The following RPH3A variants were observed in gnomAD, a reference collection of about 807,000 sequenced individuals.
RPH3A encodes the protein rabphilin 3A, also known as rabphilin-3A.
In RPH3A, 48 loss-of-function variants were observed where a neutral mutation model predicts 102.2. The ratio of observed to expected loss-of-function variants is 0.47; its 90% CI spans 0.37 to 0.60. The LOEUF (loss-of-function observed/expected upper bound fraction) is 0.60, where lower values mean the gene tolerates loss of function less well. Ranked by LOEUF, RPH3A falls within the 20% of genes least tolerant of loss-of-function variation. The probability of loss-of-function intolerance (pLI) is 0.00; values close to 1 mark genes in which losing one functional copy is unlikely to be tolerated. For missense variants in RPH3A, 781 were observed against 910.1 expected (o/e 0.86, Z 1.83); for synonymous variants, 310 against 324.3 (o/e 0.96, Z 0.47).
At chr12:112,796,196 C>T (rs978682638) in intron 2 of RPH3A, among the ~76,000 whole-genome samples, 7 of 152,146 alleles carry the variant, frequency 4.6e-5, no homozygotes, top group Non-Finnish European at 8.8e-5. Flanking sequence ...GAGAAGAATT[C>T]TAGGAGGAGA....
At chr12:112,853,561 G>C (rs2042359006) in intron 5 of RPH3A, among the ~76,000 whole-genome samples, 1 of 152,202 alleles carries the variant, frequency 6.6e-6, no homozygotes, top group African/African-American at 2.4e-5. Flanking sequence ...GGGCATAGTG[G>C]CTCATGCCTG....
chr12:112,607,749 C>T (rs1353877939), intron 1 of RPH3A, among the ~76,000 whole-genome samples: 6 of 152,134 alleles, frequency 3.9e-5, no homozygotes, highest in African/African-American at 1.2e-4. Flanking sequence ...CATCAATGAA[C>T]CAGATTTGTC....
intron 1 of RPH3A, among the ~76,000 whole-genome samples, chr12:112,696,080 T>C (rs1031444289): frequency 6.6e-6 from 1 of 152,220 alleles, no homozygotes; most frequent in Non-Finnish European, 1.5e-5. Flanking sequence ...AGCAAGAGCA[T>C]ACTATATTTG....
intron 1 of RPH3A, among the ~76,000 whole-genome samples, chr12:112,780,815 T>C (rs1415731053): frequency 8.5e-5 from 13 of 152,302 alleles, no homozygotes; most frequent in African/African-American, 3.1e-4. Flanking sequence ...TGTGTTTTGA[T>C]ACCCTGAAAG....
chr12:112,667,420 T>C (rs1273197677), intron 1 of RPH3A, among the ~76,000 whole-genome samples: 1 of 152,132 alleles, frequency 6.6e-6, no homozygotes, highest in Admixed American at 6.6e-5. Context: ...TCTTGGCAAA[T>C]GGTATGACTC....
chr12:112,773,054 T>C (rs1258996019), intron 1 of RPH3A, among the ~76,000 whole-genome samples: 1 of 152,122 alleles, frequency 6.6e-6, no homozygotes, highest in African/African-American at 2.4e-5. Flanking sequence ...TCACTGCAAA[T>C]GCTGTTAATT....
At chr12:112,741,279 T>C (rs1417778562) in intron 1 of RPH3A, among the ~76,000 whole-genome samples, 5 of 152,206 alleles carry the variant, frequency 3.3e-5, no homozygotes, top group Non-Finnish European at 5.9e-5. Flanking sequence ...GCCTTTCCTG[T>C]TGGGCTCCCC....
At chr12:112,640,749 G>C (rs1190746107) in intron 1 of RPH3A, among the ~76,000 whole-genome samples, 1 of 152,110 alleles carries the variant, frequency 6.6e-6, no homozygotes, top group Non-Finnish European at 1.5e-5. Context: ...ATTCTCTAGG[G>C]GGCATGGAGT....
At chr12:112,841,015 C>T (rs764228422) in intron 4 of RPH3A, among the ~76,000 whole-genome samples, 4 of 151,512 alleles carry the variant, frequency 2.6e-5, no homozygotes, top group African/African-American at 7.3e-5. Context: ...TTTACATTCC[C>T]CTAATTAGAC....
intron 1 of RPH3A, among the ~76,000 whole-genome samples, chr12:112,663,536 T>A (rs976087334): frequency 6.6e-6 from 1 of 152,092 alleles, no homozygotes; most frequent in Non-Finnish European, 1.5e-5. Flanking sequence ...TTATTATTTT[T>A]TATAGAGACA....
chr12:112,715,945 A>G (rs2040510742), intron 1 of RPH3A, among the ~76,000 whole-genome samples: 1 of 152,234 alleles, frequency 6.6e-6, no homozygotes, highest in Non-Finnish European at 1.5e-5. Context: ...GGGGTGGGCA[A>G]TTCTCAGAAC....
At chr12:112,761,548 G>C (rs1001525476) in intron 1 of RPH3A, among the ~76,000 whole-genome samples, 1 of 152,242 alleles carries the variant, frequency 6.6e-6, no homozygotes, top group Non-Finnish European at 1.5e-5. Context: ...ATGCCGTCCA[G>C]GAAAGACTGG....
chr12:112,745,819 A>G (rs929511390), intron 1 of RPH3A, among the ~76,000 whole-genome samples: 1 of 152,090 alleles, frequency 6.6e-6, no homozygotes, highest in Non-Finnish European at 1.5e-5. Context: ...ATCCTCCAGC[A>G]GTGGGGTGCA....
At chr12:112,725,635 G>A (rs1217846903) in intron 1 of RPH3A, among the ~76,000 whole-genome samples, 1 of 152,226 alleles carries the variant, frequency 6.6e-6, no homozygotes, top group Admixed American at 6.5e-5. Context: ...TGACCAATCA[G>A]AGGTTGGTGT....
rs2042253817 is a variant in RPH3A at position 112,847,688 on chromosome 12, C to T, written c.84-8C>T. 20 of 1,612,894 alleles carry T rather than the reference C, an allele frequency of 1.2e-5. No individual in the cohort carries two copies. Among genetic ancestry groups the T allele is most frequent in the Non-Finnish European group, 1.6e-5 (19 of 1,179,536 alleles). Reference sequence around the variant, plus strand: ...CCCACCCTCACACCTTCCCAAATTTCCTTTCAGGCTCCAGGCAGGCTGGTC... The same window carrying T: ...CCCACCCTCACACCTTCCCAAATTTTCTTTCAGGCTCCAGGCAGGCTGGTC... On this transcript the variant is annotated splice_polypyrimidine_tract_variant and splice_region_variant and intron_variant, in intron 4 of 21. Transcript: ENST00000389385.
chr12:112,595,961 C>T (rs1335262273), intron 1 of RPH3A, among the ~76,000 whole-genome samples: 1 of 152,108 alleles, frequency 6.6e-6, no homozygotes, highest in East Asian at 1.9e-4. Flanking sequence ...GGAGAGACTA[C>T]ATAGACATGT....
At chr12:112,748,102 C>A (rs552795348) in intron 1 of RPH3A, among the ~76,000 whole-genome samples, 1 of 152,138 alleles carries the variant, frequency 6.6e-6, no homozygotes, top group African/African-American at 2.4e-5. Context: ...AAAAGACTTG[C>A]GGGGCAGCTG....
At chr12:112,619,420 G>A (rs552960719) in intron 1 of RPH3A, among the ~76,000 whole-genome samples, 1 of 152,028 alleles carries the variant, frequency 6.6e-6, no homozygotes, top group South Asian at 2.1e-4. Flanking sequence ...TGAGTAGCTG[G>A]GATTACAGGC....
intron 4 of RPH3A, among the ~76,000 whole-genome samples, chr12:112,846,627 C>T (rs1265315229): frequency 3.3e-5 from 5 of 152,202 alleles, no homozygotes; most frequent in South Asian, 4.1e-4. Context: ...CCAAGCCTGG[C>T]GGCTAATGGG....
Sources: gnomAD v4.1 joint callset for allele counts (sites outside exome capture counted in the v4.1 genomes callset) on GRCh38, gnomAD v4.1.1 for gene constraint, MANE v1.5 for transcripts, NCBI Gene and HGNC (gene_info 2026-07-23, HGNC 2026-07-21) for gene names.